Variants in UNC13C observed in about 807,000 individuals in gnomAD.
The protein encoded by UNC13C is unc-13 homolog C.
In UNC13C, 174 loss-of-function variants were observed where a neutral mutation model predicts 245.4. The ratio of observed to expected loss-of-function variants is 0.71; its 90% CI spans 0.63 to 0.80. UNC13C has a LOEUF of 0.80. Among genes scored for constraint, UNC13C ranks in the 30% least tolerant of loss-of-function variants. The probability of loss-of-function intolerance (pLI) is 0.00; values close to 1 mark genes in which losing one functional copy is unlikely to be tolerated. For missense variants in UNC13C, 2,829 were observed against 2,602.9 expected (o/e 1.09, Z -1.89); for synonymous variants, 992 against 895.1 (o/e 1.11, Z -1.93).
chr15:54,164,375 C>T (rs2033091001), intron 4 of UNC13C, among the ~76,000 whole-genome samples: 2 of 152,156 alleles, frequency 1.3e-5, no homozygotes, highest in Admixed American at 1.3e-4. Flanking sequence ...ATAACGTTTT[C>T]CTAATTATAC....
chr15:54,627,302 G>A lies in UNC13C; in HGVS notation c.*189G>A. Reference sequence around the variant, plus strand: ...GGTCTTTGGGAAATCAGTGTTCCATGAAGTGCCAAAATTATGATGTAAAGT... The same window carrying A: ...GGTCTTTGGGAAATCAGTGTTCCATAAAGTGCCAAAATTATGATGTAAAGT... On this transcript the variant is annotated 3_prime_UTR_variant, in exon 33 of 33. Transcript: ENST00000260323. 1 of 499,568 alleles carries A rather than the reference G, an allele frequency of 2.0e-6. No individual in the cohort carries two copies. Among genetic ancestry groups the A allele is most frequent in the Non-Finnish European group, 3.4e-6 (1 of 294,712 alleles). The allele number at this position is 499,568 out of a possible 1,614,324, so 30.9% of individuals were successfully genotyped here.
chr15:54,229,523 G>A (rs377024773), intron 4 of UNC13C, among the ~76,000 whole-genome samples: 13 of 152,084 alleles, frequency 8.5e-5, no homozygotes, highest in South Asian at 2.1e-4. Context: ...ATAATTGTAC[G>A]TATTTATCAT....
chr15:54,230,832 A>G (rs973376392), intron 4 of UNC13C, among the ~76,000 whole-genome samples: 1 of 152,066 alleles, frequency 6.6e-6, no homozygotes, highest in African/African-American at 2.4e-5. Flanking sequence ...GCCTACCTAT[A>G]TCAAAACATC....
chr15:53,889,901 G>A, the UNC13C span, among the ~76,000 whole-genome samples: 1 of 152,202 alleles, frequency 6.6e-6, no homozygotes, highest in Non-Finnish European at 1.5e-5. Context: ...CAGGGATGAA[G>A]CCAACTTGAT....
chr15:54,613,765 T>C (rs1900255381), intron 30 of UNC13C, among the ~76,000 whole-genome samples: 1 of 152,036 alleles, frequency 6.6e-6, no homozygotes, highest in Non-Finnish European at 1.5e-5. Context: ...AATTTATCTT[T>C]TAAATAATAT....
At chr15:54,430,819 G>A (rs964204369) in intron 19 of UNC13C, among the ~76,000 whole-genome samples, 3 of 151,810 alleles carry the variant, frequency 2.0e-5, no homozygotes, top group Middle Eastern at 3.4e-3. Flanking sequence ...TTATTCCACT[G>A]GGAGGTTCTG....
intron 28 of UNC13C, among the ~76,000 whole-genome samples, chr15:54,552,878 G>A (rs1165114623): frequency 2.4e-3 from 1 of 418 alleles, no homozygotes; most frequent in Non-Finnish European, 7.1e-3. Flanking sequence ...AATATATATT[G>A]TATTCTATAT....
chr15:54,294,134 A>C (rs1183528961), intron 11 of UNC13C, 70 bp downstream of exon 11: 2 of 1,306,728 alleles, frequency 1.5e-6, no homozygotes, highest in Non-Finnish European at 2.0e-6. Context: ...CATGTATTAC[A>C]TTCCCATATA....
the UNC13C span, among the ~76,000 whole-genome samples, chr15:53,890,140 C>CTTT: frequency 0.022 from 3,167 of 145,232 alleles, 50 homozygotes; most frequent in African/African-American, 0.027. Context: ...ACCAGCGCCT[C>CTTT]TTTTTTTTTT....
chr15:54,381,473 T>C (rs1426762211), intron 17 of UNC13C, among the ~76,000 whole-genome samples: 1 of 152,166 alleles, frequency 6.6e-6, no homozygotes, highest in African/African-American at 2.4e-5. Context: ...AGGATCGTTT[T>C]CTCAATTTCT....
chr15:54,208,492 A>G (rs2034783891), intron 4 of UNC13C, among the ~76,000 whole-genome samples: 3 of 152,262 alleles, frequency 2.0e-5, no homozygotes, highest in South Asian at 4.1e-4. Flanking sequence ...TTGAGCAGCT[A>G]CTATGTGCTA....
At chr15:54,560,186 A>G (rs531340102) in intron 29 of UNC13C, among the ~76,000 whole-genome samples, 1 of 152,120 alleles carries the variant, frequency 6.6e-6, no homozygotes, top group Non-Finnish European at 1.5e-5. Context: ...GGTGTTGGAA[A>G]GAACAAAGTA....
intron 4 of UNC13C, among the ~76,000 whole-genome samples, chr15:54,174,090 A>T (rs943420342): frequency 2.6e-5 from 4 of 152,112 alleles, no homozygotes; most frequent in African/African-American, 9.7e-5. Flanking sequence ...AATTTGCTAA[A>T]TGCAACTTGT....
chr15:54,316,769 T>A (rs1340974528), intron 13 of UNC13C, among the ~76,000 whole-genome samples: 3 of 152,034 alleles, frequency 2.0e-5, no homozygotes, highest in Non-Finnish European at 4.4e-5. Flanking sequence ...TGACTTCTCC[T>A]CTCTTCACCG....
chr15:54,117,030 T>C (rs2030301257), intron 2 of UNC13C, among the ~76,000 whole-genome samples: 1 of 152,170 alleles, frequency 6.6e-6, no homozygotes, highest in African/African-American at 2.4e-5. Context: ...ATTGGAGATG[T>C]TGAGTTTTTT....
At chr15:54,070,632 A>C (rs143162821) in intron 2 of UNC13C, among the ~76,000 whole-genome samples, 3 of 152,176 alleles carry the variant, frequency 2.0e-5, no homozygotes, top group Middle Eastern at 6.8e-3. Flanking sequence ...TTTTGTATCA[A>C]ATTTTTCAGG....
At chr15:53,873,216 C>T in the UNC13C span, among the ~76,000 whole-genome samples, 1 of 152,036 alleles carries the variant, frequency 6.6e-6, no homozygotes, top group East Asian at 1.9e-4. Context: ...ACATTCAATG[C>T]CTTCTGAGTT....
chr15:54,254,761 T>C lies in UNC13C; in HGVS notation c.3448+4317T>C, dbSNP rs560793138. The stretch of plus-strand genomic sequence containing the variant: ...TTCTTTCCTAACTTATAAATAAGTT[T>C]GCAAAGTCAATCCTAGGGGGAAGAA... On this transcript the variant is annotated intron_variant, in intron 8 of 32. Coordinates refer to ENST00000260323, the MANE Select transcript of UNC13C (RefSeq NM_001080534.3). Among the ~76,000 whole-genome samples, 85 of 152,308 alleles carry C rather than the reference T, an allele frequency of 5.6e-4. No individual in the cohort carries two copies. The South Asian group carries it at 0.018, about 32-fold the overall frequency.
At chr15:53,881,789 G>C in the UNC13C span, among the ~76,000 whole-genome samples, 3 of 152,196 alleles carry the variant, frequency 2.0e-5, no homozygotes, top group Non-Finnish European at 4.4e-5. Context: ...GTTCCAAGAA[G>C]TGGGATATTC....
Sources: gnomAD v4.1 joint callset for allele counts (sites outside exome capture counted in the v4.1 genomes callset) on GRCh38, gnomAD v4.1.1 for gene constraint, MANE v1.5 for transcripts, NCBI Gene and HGNC (gene_info 2026-07-23, HGNC 2026-07-21) for gene names.